SLC5A8: variants seen among roughly 807,000 people sequenced by gnomAD.
SLC5A8 encodes solute carrier family 5 member 8.
A neutral mutation model predicts 71.9 loss-of-function variants in SLC5A8; 55 were observed. That is an observed-to-expected ratio of 0.77 (90% confidence interval 0.62 to 0.96). The LOEUF is 0.96. Among genes scored for constraint, SLC5A8 ranks in the 40% least tolerant of loss-of-function variants. SLC5A8 has a pLI of 0.00. For synonymous variants in SLC5A8, 307 were observed against 276.1 expected (o/e 1.11, Z -1.11); for missense variants, 701 against 745.3 (o/e 0.94, Z 0.69).
At chr12:101,174,792 C>T (rs2051863921) in intron 10 of SLC5A8, among the ~76,000 whole-genome samples, 1 of 152,134 alleles carries the variant, frequency 6.6e-6, no homozygotes, top group Non-Finnish European at 1.5e-5. Flanking sequence ...TCTACCTCCA[C>T]CTGAAGTAAT....
At chr12:101,158,353 T>TA (rs759771483) in intron 13 of SLC5A8, 25 bp from the exon 14 acceptor site, 440 of 1,492,010 alleles carry the variant, frequency 2.9e-4, no homozygotes, top group Non-Finnish European at 3.8e-4. Context: ...GTACATGACT[T>TA]ACGTTGTTAA....
chr12:101,158,766 G>C (rs1409725142), intron 13 of SLC5A8, among the ~76,000 whole-genome samples: 2 of 150,792 alleles, frequency 1.3e-5, no homozygotes, highest in East Asian at 3.9e-4. Context: ...CATGCCATCA[G>C]TAAAATATCA....
chr12:101,208,980 T>C (rs1026095226), intron 1 of SLC5A8, among the ~76,000 whole-genome samples: 1 of 152,152 alleles, frequency 6.6e-6, no homozygotes, highest in African/African-American at 2.4e-5. Flanking sequence ...TGGTACACCT[T>C]AGCCACTTGG....
At position 101,158,264 on chromosome 12, in the gene SLC5A8, A is replaced by G. The variant is rs1268988164; in HGVS notation, c.1695T>C (p.Phe565=). 6.3e-7 allele frequency: 1 copy of G among 1,587,828 alleles called. No homozygotes were observed. Among genetic ancestry groups the G allele is most frequent in the African/African-American group, 1.4e-5 (1 of 73,724 alleles). The change falls in exon 14 of 15, where the codon TTT becomes TTC. Residue 565 remains phenylalanine (F), a synonymous_variant. Coordinates refer to ENST00000536262, the MANE Select transcript of SLC5A8 (RefSeq NM_145913.5). ...ILTKEDFLSN[F]DIFKKKKHVL... ...GCCAACTCACTTTCTTAAAAATATC[A>G]AAATTGGATAAAAAGTCCTCTTTGG...
intron 2 of SLC5A8, 106 bp downstream of exon 2, chr12:101,204,394 C>A: frequency 1.1e-6 from 1 of 949,928 alleles, no homozygotes. Flanking sequence ...ATTTTTTCAA[C>A]ATCTCTTTTT....
rs1392734363 is a variant in SLC5A8, at chr12:101,161,863, TA to T, written c.1630+110del. On this transcript the variant is annotated intron_variant, in intron 13 of 14. Transcript: ENST00000536262. ...CCATGAGTAAAACAGAAGAAATAATTAAACTAGTTGGCAATAGGATCATAGT... is the reference window on the plus strand; with the variant it reads ...CCATGAGTAAAACAGAAGAAATAATTAACTAGTTGGCAATAGGATCATAGT... 22 of 782,616 alleles carry T rather than the reference TA, an allele frequency of 2.8e-5. No homozygotes were observed. The African/African-American group carries it at 3.3e-4, about 12-fold the overall frequency. 48.5% of individuals were successfully genotyped at this position (782,616 alleles called of 1,614,324 possible). A position where few individuals can be genotyped will look rare whatever the true frequency, so the allele number is the denominator to read the frequency against.
intron 10 of SLC5A8, among the ~76,000 whole-genome samples, chr12:101,177,448 CA>C (rs2051890352): frequency 2.9e-5 from 4 of 138,700 alleles, no homozygotes; most frequent in Admixed American, 2.1e-4. Flanking sequence ...AGTATATACA[CA>C]CACACACACA....
rs369405457 is a variant in SLC5A8, at chr12:101,168,171, G to T, written c.1245C>A (p.Ser415Arg). 2 of 1,604,574 alleles carry T rather than the reference G, an allele frequency of 1.2e-6. No individual in the cohort carries two copies. Among genetic ancestry groups the T allele is most frequent in the Non-Finnish European group, 1.7e-6 (2 of 1,175,552 alleles). ...GTGGTCCACCAACCATACCAAATAC[G>T]CTGAGTGCTGCCTACAAAAATAATA... ...LMGALLQAAL[S>R]VFGMVGGPLM... The change falls in exon 11 of 15, where the codon AGC becomes AGA. Residue 415 changes from serine (S) to arginine (R), a missense_variant. By Grantham distance (110) the Ser-to-Arg change is moderately radical. Coordinates refer to ENST00000536262, the MANE Select transcript of SLC5A8 (RefSeq NM_145913.5).
chr12:101,176,549 C>G (rs1379116141), intron 10 of SLC5A8, among the ~76,000 whole-genome samples: 2 of 151,898 alleles, frequency 1.3e-5, no homozygotes, highest in Non-Finnish European at 2.9e-5. Flanking sequence ...TAAAACAGAC[C>G]TCAACAAGTT....
At chr12:101,208,198 G>A (rs1408006068) in intron 1 of SLC5A8, among the ~76,000 whole-genome samples, 1 of 152,140 alleles carries the variant, frequency 6.6e-6, no homozygotes, top group Admixed American at 6.5e-5. Flanking sequence ...CTCACTTCTG[G>A]GATAATTATT....
intron 12 of SLC5A8, 90 bp from the exon 13 acceptor site, chr12:101,162,167 A>G: frequency 1.3e-6 from 1 of 785,578 alleles, no homozygotes; most frequent in South Asian, 1.6e-5. Flanking sequence ...CAAGGTCAAA[A>G]TATAACACTT....
chr12:101,168,245 T>C (rs964057478), intron 10 of SLC5A8, 63 bp from the exon 11 acceptor site: 1 of 1,450,730 alleles, frequency 6.9e-7, no homozygotes, highest in East Asian at 2.5e-5. Context: ...TATTTCAAAG[T>C]CATTTCATCA....
rs34182928 is a variant in SLC5A8, at chr12:101,183,035, CTTTTTTTTTT to C, written c.1053-130_1053-121del. On this transcript the variant is annotated intron_variant, in intron 8 of 14. Coordinates refer to ENST00000536262, the MANE Select transcript of SLC5A8 (RefSeq NM_145913.5). ...AAAATATAACCTGATTTCTACTATG[CTTTTTTTTTT>C]TTTTTTTTTTTTTTTTTTGAGACGG... The C allele has an allele frequency of 1.1e-3, 84 of 74,546 alleles. 2 individuals are homozygous for C. The highest frequency in any genetic ancestry group is 3.6e-4 in the African/African-American group (6 of 16,632). 4.6% of individuals were successfully genotyped at this position (74,546 alleles called of 1,614,324 possible).
Position 101,193,618 on chromosome 12 carries a change from C to A in SLC5A8, c.692+7G>T. Reference sequence around the variant, plus strand: ...TGTGTTCAGTTACCCAAGTACTAGACACTTACTTCCAGAAATTTAATCTTC... The same window carrying A: ...TGTGTTCAGTTACCCAAGTACTAGAAACTTACTTCCAGAAATTTAATCTTC... On this transcript the variant is annotated splice_region_variant and intron_variant, in intron 5 of 14. Transcript: ENST00000536262. 1.2e-6 allele frequency: 2 copies of A among 1,612,358 alleles called. No individual in the cohort carries two copies. Among genetic ancestry groups the A allele is most frequent in the East Asian group, 2.2e-5 (1 of 44,854 alleles).
At chr12:101,205,142 T>TC (rs376713454) in intron 1 of SLC5A8, among the ~76,000 whole-genome samples, 159 of 152,238 alleles carry the variant, frequency 1.0e-3, no homozygotes, top group African/African-American at 3.7e-3. Flanking sequence ...AGCTTTTCCT[T>TC]CCATTGGGTA....
At chr12:101,180,220 C>T (rs981355079) in intron 9 of SLC5A8, 124 bp from the exon 10 acceptor site, 3 of 941,844 alleles carry the variant, frequency 3.2e-6, no homozygotes, top group Non-Finnish European at 5.2e-6. Context: ...AATGGCCACA[C>T]ACATCAGAGC....
chr12:101,192,442 C>T (rs191161397), intron 5 of SLC5A8, among the ~76,000 whole-genome samples: 103 of 152,194 alleles, frequency 6.8e-4, no homozygotes, highest in African/African-American at 2.1e-3. Context: ...TATGTTAAAG[C>T]GGGGCTGCGA....
chr12:101,204,580 A>G lies in SLC5A8; in HGVS notation c.352-15T>C. ...AGTTCTAAATACTGTTGCAAAAAAA[A>G]AAATTATGCGAATCCTCTGGATGCC... On this transcript the variant is annotated splice_polypyrimidine_tract_variant and intron_variant, in intron 1 of 14. Coordinates refer to ENST00000536262, the MANE Select transcript of SLC5A8 (RefSeq NM_145913.5). 6.4e-7 allele frequency: 1 copy of G among 1,568,370 alleles called. No individual in the cohort carries two copies. Among genetic ancestry groups the G allele is most frequent in the South Asian group, 1.2e-5 (1 of 82,232 alleles).
At chr12:101,173,783 G>A (rs951451401) in intron 10 of SLC5A8, among the ~76,000 whole-genome samples, 1 of 152,188 alleles carries the variant, frequency 6.6e-6, no homozygotes, top group African/African-American at 2.4e-5. Flanking sequence ...CCTTCAGCAG[G>A]TAAGCTTCAC....
Sources: allele counts gnomAD v4.1 joint callset (sites outside exome capture counted in the v4.1 genomes callset), GRCh38; gene constraint gnomAD v4.1.1; transcripts MANE v1.5; gene names NCBI Gene and HGNC (gene_info 2026-07-23, HGNC 2026-07-21).